GALNT13: variants seen among roughly 807,000 people sequenced by gnomAD.
The protein encoded by GALNT13 is polypeptide N-acetylgalactosaminyltransferase 13, also known as UDP-GalNAc:polypeptide N-acetylgalactosaminyltransferase 13.
A neutral mutation model predicts 64.2 loss-of-function variants in GALNT13; 28 were observed. The observed-to-expected ratio is 0.44, with a 90% CI of 0.32 to 0.60. GALNT13 has a LOEUF of 0.60. Ranked by LOEUF, GALNT13 falls within the 20% of genes least tolerant of loss-of-function variation. GALNT13 has a pLI of 0.05. For synonymous variants in GALNT13, 214 were observed against 224.6 expected (o/e 0.95, Z 0.42); for missense variants, 577 against 669.8 (o/e 0.86, Z 1.53).
the GALNT13 span, among the ~76,000 whole-genome samples, chr2:153,488,285 C>T: frequency 3.3e-5 from 5 of 152,170 alleles, no homozygotes; most frequent in Non-Finnish European, 5.9e-5. Flanking sequence ...GTGAAGAAGG[C>T]TCTTTTTGTT....
intron 7 of GALNT13, among the ~76,000 whole-genome samples, chr2:154,251,780 C>T (rs1690082060): frequency 6.6e-6 from 1 of 152,094 alleles, no homozygotes; most frequent in African/African-American, 2.4e-5. Context: ...GCATTTGTGC[C>T]TCTGCTTCCT....
chr2:153,105,459 G>T, the GALNT13 span, among the ~76,000 whole-genome samples: 5 of 152,058 alleles, frequency 3.3e-5, no homozygotes, highest in African/African-American at 1.2e-4. Context: ...TTGAAAACTG[G>T]CACAAGACAG....
the GALNT13 span, among the ~76,000 whole-genome samples, chr2:153,806,633 G>A: frequency 6.0e-4 from 90 of 151,136 alleles, no homozygotes; most frequent in African/African-American, 2.1e-3. Flanking sequence ...ATGTCAAAGG[G>A]GTTGAACATG....
the GALNT13 span, among the ~76,000 whole-genome samples, chr2:153,722,976 C>G: frequency 6.6e-6 from 1 of 151,988 alleles, no homozygotes; most frequent in Non-Finnish European, 1.5e-5. Context: ...CATTCTGATA[C>G]CAAAGCCGGG....
the GALNT13 span, among the ~76,000 whole-genome samples, chr2:153,549,557 G>A: frequency 6.6e-6 from 1 of 152,160 alleles, no homozygotes; most frequent in Non-Finnish European, 1.5e-5. Context: ...CACTTTCTTA[G>A]AAAACTGTAG....
At chr2:153,427,691 G>A in the GALNT13 span, among the ~76,000 whole-genome samples, 266 of 152,154 alleles carry the variant, frequency 1.7e-3, 1 homozygote, top group Middle Eastern at 3.4e-3. Context: ...GAAGTTAAAG[G>A]TATTAGACTA....
chr2:153,334,457 T>C, the GALNT13 span, among the ~76,000 whole-genome samples: 6 of 152,190 alleles, frequency 3.9e-5, no homozygotes, highest in African/African-American at 1.4e-4. Flanking sequence ...ATCTCTGAAA[T>C]TGATAAAAGA....
the GALNT13 span, among the ~76,000 whole-genome samples, chr2:153,683,571 A>T: frequency 2.0e-5 from 3 of 151,674 alleles, no homozygotes; most frequent in African/African-American, 7.3e-5. Flanking sequence ...ATCCATTATG[A>T]TTCTTAAGTG....
the GALNT13 span, among the ~76,000 whole-genome samples, chr2:153,407,984 A>G: frequency 6.6e-6 from 1 of 152,204 alleles, no homozygotes; most frequent in South Asian, 2.1e-4. Context: ...GATTTACAGT[A>G]AAAAATAATG....
chr2:154,213,153 A>G (rs1482329447), intron 4 of GALNT13, among the ~76,000 whole-genome samples: 1 of 152,120 alleles, frequency 6.6e-6, no homozygotes, highest in Admixed American at 6.6e-5. Context: ...CCCAGGCTGG[A>G]GTGTAGTGGC....
intron 4 of GALNT13, among the ~76,000 whole-genome samples, chr2:154,168,969 A>T (rs1469564361): frequency 6.6e-6 from 1 of 152,276 alleles, no homozygotes; most frequent in Non-Finnish European, 1.5e-5. Context: ...GCCTCTACTC[A>T]TGGTGCAAGG....
At chr2:153,708,141 T>A in the GALNT13 span, among the ~76,000 whole-genome samples, 348 of 152,122 alleles carry the variant, frequency 2.3e-3, 1 homozygote, top group African/African-American at 7.3e-3. Flanking sequence ...AGGGCCCACC[T>A]TTGGCAATCT....
intron 3 of GALNT13, 67 bp downstream of exon 3, chr2:153,944,706 A>G: frequency 7.4e-7 from 1 of 1,354,058 alleles, no homozygotes; most frequent in Non-Finnish European, 1.0e-6. Flanking sequence ...ACAAAATGAG[A>G]AACTTCAGAA....
the GALNT13 span, among the ~76,000 whole-genome samples, chr2:153,850,720 C>T: frequency 6.6e-6 from 1 of 152,102 alleles, no homozygotes; most frequent in Non-Finnish European, 1.5e-5. Flanking sequence ...ATAATAGACA[C>T]CCCATCTAGA....
the GALNT13 span, among the ~76,000 whole-genome samples, chr2:153,552,623 G>T: frequency 6.9e-6 from 1 of 143,896 alleles, no homozygotes; most frequent in Non-Finnish European, 1.5e-5. Flanking sequence ...GGAATCAAAG[G>T]CATCATTGAC....
the GALNT13 span, among the ~76,000 whole-genome samples, chr2:153,617,841 T>G: frequency 6.6e-6 from 1 of 151,938 alleles, no homozygotes; most frequent in East Asian, 1.9e-4. Context: ...TTTATTGGCA[T>G]ATAGTTGCTC....
At chr2:153,641,779 TA>T in the GALNT13 span, among the ~76,000 whole-genome samples, 2,416 of 152,234 alleles carry the variant, frequency 0.016, 63 homozygotes, top group African/African-American at 0.055. Flanking sequence ...TTCCTTTGAT[TA>T]TTTTTAACAC....
the GALNT13 span, among the ~76,000 whole-genome samples, chr2:153,769,897 T>C: frequency 6.6e-6 from 1 of 152,356 alleles, no homozygotes; most frequent in East Asian, 1.9e-4. Context: ...ATTCCTTTAA[T>C]GGATTTTTCA....
chr2:153,537,861 G>A, the GALNT13 span, among the ~76,000 whole-genome samples: 1 of 152,184 alleles, frequency 6.6e-6, no homozygotes, highest in African/African-American at 2.4e-5. Flanking sequence ...CTGCTGACCT[G>A]TGAGTTAGTT....
Sources: gnomAD v4.1 joint callset for allele counts (sites outside exome capture counted in the v4.1 genomes callset) on GRCh38, gnomAD v4.1.1 for gene constraint, MANE v1.5 for transcripts, NCBI Gene and HGNC (gene_info 2026-07-23, HGNC 2026-07-21) for gene names.